Variants in RCN3 observed in about 807,000 individuals in gnomAD.
The protein encoded by RCN3 is reticulocalbin 3, also known as reticulocalbin-3.
In RCN3, 41 loss-of-function variants were observed where a neutral mutation model predicts 35.9. The observed-to-expected ratio is 1.14, with a 90% CI of 0.89 to 1.48. RCN3 has a LOEUF of 1.48. Ranked by LOEUF, RCN3 falls within the 40% of genes most tolerant of loss-of-function variation. RCN3 has a pLI of 0.00. For missense variants in RCN3, 451 were observed against 471.3 expected (o/e 0.96, Z 0.40); for synonymous variants, 187 against 193.4 (o/e 0.97, Z 0.27).
Position 49,543,159 on chromosome 19 carries a change from C to T in RCN3, c.933C>T (p.Gly311=), listed in dbSNP as rs1387018013. The T allele has an allele frequency of 1.2e-6, 2 of 1,614,114 alleles. No individual in the cohort carries two copies. Among genetic ancestry groups the T allele is most frequent in the Non-Finnish European group, 1.7e-6 (2 of 1,180,008 alleles). Residue 311 remains glycine, a synonymous_variant, in exon 7 of 7, where the codon GGC becomes GGT. Transcript: ENST00000270645. ...EILGNWNMFV[G]SQATNYGEDL... ...TGGGTAATTGGAACATGTTTGTGGGCAGTCAGGCCACCAACTATGGCGAGG... is the reference window on the plus strand; with the variant it reads ...TGGGTAATTGGAACATGTTTGTGGGTAGTCAGGCCACCAACTATGGCGAGG...
chr19:49,542,778 G>T lies in RCN3; in HGVS notation c.879+26G>T, dbSNP rs565217674. 5.1e-6 allele frequency: 8 copies of T among 1,553,760 alleles called. No individual in the cohort carries two copies. The East Asian group carries it at 7.0e-5, about 14-fold the overall frequency. ...GTGCAGTGACGGGGCCTCGGCAGGAGCGAGGAGCGGGTGGGCATTGCGGGC... is the reference window on the plus strand; with the variant it reads ...GTGCAGTGACGGGGCCTCGGCAGGATCGAGGAGCGGGTGGGCATTGCGGGC... On this transcript the variant is annotated intron_variant, in intron 6 of 6. Coordinates refer to ENST00000270645, the MANE Select transcript of RCN3 (RefSeq NM_020650.3).
intron 5 of RCN3, among the ~76,000 whole-genome samples, chr19:49,542,121 A>T (rs1028328044): frequency 2.0e-5 from 3 of 151,648 alleles, no homozygotes; most frequent in Non-Finnish European, 4.4e-5. Context: ...TTGGTCTTGA[A>T]TCTTGGCCTC....
chr19:49,528,471 C>T lies in RCN3; in HGVS notation c.-2C>T, dbSNP rs774407469. The T allele has an allele frequency of 4.0e-6, 6 of 1,500,012 alleles. No individual in the cohort carries two copies. In the East Asian group the frequency reaches 1.5e-4, roughly 37 times the overall value. The allele number at this position is 1,500,012 out of a possible 1,614,324, so 92.9% of individuals were successfully genotyped here. A position where few individuals can be genotyped will look rare whatever the true frequency, so the allele number is the denominator to read the frequency against. On this transcript the variant is annotated 5_prime_UTR_variant, in exon 2 of 7. Transcript: ENST00000270645. ...CTGGCCTTTGCCACTCCCCAGGGAC[C>T]GATGATGTGGCGACCATCAGTTCTG...
chr19:49,539,775 C>T (rs919165076), intron 5 of RCN3, among the ~76,000 whole-genome samples: 1 of 137,884 alleles, frequency 7.3e-6, no homozygotes, highest in Non-Finnish European at 1.5e-5. Flanking sequence ...CAGGCTGGAG[C>T]GCGGTGGCGT....
rs370100903 is a variant in RCN3, at chr19:49,536,844, G to A, written c.446-189G>A. On this transcript the variant is annotated intron_variant, in intron 3 of 6. Transcript: ENST00000270645. Reference sequence around the variant, plus strand: ...TGGTCTCAAACTCCTGACCTCAAGTGATCTGCCAGCTTCAGCCTCCCAAAG... The same window carrying A: ...TGGTCTCAAACTCCTGACCTCAAGTAATCTGCCAGCTTCAGCCTCCCAAAG... Among the ~76,000 whole-genome samples, 11 of 152,182 alleles carry A rather than the reference G, an allele frequency of 7.2e-5. No individual in the cohort carries two copies. In the East Asian group the frequency reaches 2.1e-3, roughly 29 times the overall value.
At chr19:49,542,829 G>GAGCTCCA in intron 6 of RCN3, 77 bp downstream of exon 6, 2 of 1,362,396 alleles carry the variant, frequency 1.5e-6, no homozygotes, top group Non-Finnish European at 2.0e-6. Context: ...AGCAAGACCT[G>GAGCTCCA]GGCCTGGAGC....
intron 3 of RCN3, among the ~76,000 whole-genome samples, chr19:49,534,798 C>T (rs2080126675): frequency 6.6e-6 from 1 of 152,060 alleles, no homozygotes; most frequent in African/African-American, 2.4e-5. Context: ...GACAATATGA[C>T]TAGGGTACTT....
intron 5 of RCN3, among the ~76,000 whole-genome samples, chr19:49,540,882 C>G (rs2080159729): frequency 1.3e-5 from 2 of 151,558 alleles, no homozygotes; most frequent in Middle Eastern, 3.4e-3. Flanking sequence ...AGGACAGGCC[C>G]TGACAACAAG....
Position 49,543,320 on chromosome 19 carries a change from C to T in RCN3, c.*107C>T. 1.1e-6 allele frequency: 1 copy of T among 884,810 alleles called. No individual in the cohort carries two copies. The highest frequency in any genetic ancestry group is 1.8e-6 in the Non-Finnish European group (1 of 548,290). 54.8% of individuals were successfully genotyped at this position (884,810 alleles called of 1,614,324 possible). On this transcript the variant is annotated 3_prime_UTR_variant, in exon 7 of 7. Coordinates refer to ENST00000270645, the MANE Select transcript of RCN3 (RefSeq NM_020650.3). ...AGGCCCCGCAGGAGGCAGATGCAGT[C>T]CCAGGCATCCTCCTGCCCCTGGGCT...
chr19:49,543,141 T>A lies in RCN3; in HGVS notation c.915T>A (p.Asn305Lys). ...GRLSKAEILG[N>K]WNMFVGSQAT... is the part of the protein sequence containing the mutation. ...TGAGCAAAGCGGAAATCCTGGGTAA[T>A]TGGAACATGTTTGTGGGCAGTCAGG... Residue 305 changes from asparagine (N) to lysine (K), a missense_variant, in exon 7 of 7, where the codon AAT becomes AAA. Transcript: ENST00000270645. The A allele has an allele frequency of 6.2e-7, 1 of 1,613,980 alleles. No homozygotes were observed. The highest frequency in any genetic ancestry group is 8.5e-7 in the Non-Finnish European group (1 of 1,179,966).
intron 3 of RCN3, among the ~76,000 whole-genome samples, chr19:49,536,680 C>T (rs894888455): frequency 1.3e-5 from 2 of 150,640 alleles, no homozygotes; most frequent in East Asian, 1.9e-4. Flanking sequence ...GCAGTCTCAG[C>T]TCACGGCAAC....
chr19:49,534,545 C>T (rs2080125648), intron 3 of RCN3, 150 bp downstream of exon 3: 1 of 703,922 alleles, frequency 1.4e-6, no homozygotes, highest in Non-Finnish European at 2.2e-6. Flanking sequence ...ACTGTGAGAT[C>T]TTCAGTTTCT....
chr19:49,539,066 C>T, intron 4 of RCN3, 53 bp from the exon 5 acceptor site: 1 of 1,403,660 alleles, frequency 7.1e-7, no homozygotes, highest in South Asian at 1.3e-5. Context: ...GTCCAGCCTC[C>T]CCCAGGAGCC....
chr19:49,540,932 CTT>C (rs1262372704), intron 5 of RCN3, among the ~76,000 whole-genome samples: 21 of 138,748 alleles, frequency 1.5e-4, no homozygotes, highest in Admixed American at 2.2e-4. Context: ...GTCCCCATCT[CTT>C]TTTTTTTTTT....
In RCN3 at chr19:49,528,548, G is replaced by C; in HGVS notation, c.76G>C (p.Ala26Pro). The change falls in exon 2 of 7, where the codon GCA (alanine) becomes CCA (proline). Residue 26 changes from alanine (A) to proline (P), a missense_variant. Ala to Pro is a conservative substitution (Grantham distance 27, BLOSUM62 -1). Coordinates refer to ENST00000270645, the MANE Select transcript of RCN3 (RefSeq NM_020650.3). ...HGAQGKPSPD[A>P]GPHGQGRVHQ... ...GGCCCAGGGGAAGCCATCCCCAGACGCAGGCCCTCATGGCCAGGGGAGGGT... is the reference window on the plus strand; with the variant it reads ...GGCCCAGGGGAAGCCATCCCCAGACCCAGGCCCTCATGGCCAGGGGAGGGT... The C allele has an allele frequency of 1.3e-6, 2 of 1,588,592 alleles. No individual in the cohort carries two copies. Among genetic ancestry groups the C allele is most frequent in the Non-Finnish European group, 1.7e-6 (2 of 1,168,902 alleles).
At chr19:49,542,020 G>T (rs1309270846) in intron 5 of RCN3, among the ~76,000 whole-genome samples, 3 of 150,678 alleles carry the variant, frequency 2.0e-5, no homozygotes, top group Non-Finnish European at 4.4e-5. Context: ...TGTTGCCCAG[G>T]CTGGAGTGCA....
At chr19:49,537,299 G>A in intron 4 of RCN3, 94 bp downstream of exon 4, 1 of 1,236,752 alleles carries the variant, frequency 8.1e-7, no homozygotes, top group Non-Finnish European at 1.1e-6. Flanking sequence ...CCTGGGGGCA[G>A]GCAGTCACCT....
chr19:49,532,144 C>CATCCAGGCTGGAGTGCAACGGCGCG (rs2080111419), intron 2 of RCN3, among the ~76,000 whole-genome samples: 1 of 121,090 alleles, frequency 8.3e-6, no homozygotes, highest in Non-Finnish European at 1.6e-5. Context: ...CTCACTCTGT[C>CATCCAGGCTGGAGTGCAACGGCGCG]ATCCAGGCTG....
chr19:49,537,173 G>A lies in RCN3; in HGVS notation c.586G>A (p.Glu196Lys), dbSNP rs2122731515. The A allele has an allele frequency of 3.2e-6, 5 of 1,567,602 alleles. No homozygotes were observed. Among genetic ancestry groups the A allele is most frequent in the Non-Finnish European group, 4.3e-6 (5 of 1,154,298 alleles). The change falls in exon 4 of 7, where the codon GAG (glutamate) becomes AAG (lysine). Residue 196 changes from glutamate (E) to lysine (K), a missense_variant. Physicochemically the swap from Glu to Lys is moderately conservative, Grantham distance 56 (BLOSUM62 1). Coordinates refer to ENST00000270645, the MANE Select transcript of RCN3 (RefSeq NM_020650.3). ...GCTGACAGCCTTCCTGCACCCCGAGGAGTTCCCTCACATGCGGGACATCGT... is the reference window on the plus strand; with the variant it reads ...GCTGACAGCCTTCCTGCACCCCGAGAAGTTCCCTCACATGCGGGACATCGT... The part of the protein sequence containing the change: ...EELTAFLHPE[E>K]FPHMRDIVIA...
Sources: allele counts gnomAD v4.1 joint callset (sites outside exome capture counted in the v4.1 genomes callset), GRCh38; gene constraint gnomAD v4.1.1; transcripts MANE v1.5; gene names NCBI Gene and HGNC (gene_info 2026-07-23, HGNC 2026-07-21).